Variants in RIN3 observed in about 807,000 individuals in gnomAD.
RIN3 encodes the protein RAB5 interacting protein 3.
Under a neutral mutation model 76.3 loss-of-function variants are expected in RIN3, and 54 were observed. The observed-to-expected ratio is 0.71, with a 90% CI of 0.57 to 0.89. The LOEUF (loss-of-function observed/expected upper bound fraction) is 0.89. Ranked by LOEUF, RIN3 falls within the 40% of genes least tolerant of loss-of-function variation. The pLI is 0.00. For synonymous variants in RIN3, 576 were observed against 564.0 expected, an observed-to-expected ratio of 1.02 and a Z score of -0.30; for missense variants, 1,256 against 1,322.1, an observed-to-expected ratio of 0.95 and a Z score of 0.78.
chr14:92,539,784 T>G (rs1897091149), intron 1 of RIN3, among the ~76,000 whole-genome samples: 1 of 151,990 alleles, frequency 6.6e-6, no homozygotes, highest in South Asian at 2.1e-4. Context: ...CCTAGGATGC[T>G]GGGGGTGTAC....
At chr14:92,564,225 GTAT>G (rs1897856800) in intron 2 of RIN3, among the ~76,000 whole-genome samples, 1 of 152,230 alleles carries the variant, frequency 6.6e-6, no homozygotes, top group South Asian at 2.1e-4. Context: ...AAATCCAAAT[GTAT>G]TTATTTGGAG....
At chr14:92,674,270 T>G (rs149269502) in intron 7 of RIN3, among the ~76,000 whole-genome samples, 70 of 152,296 alleles carry the variant, frequency 4.6e-4, no homozygotes, top group African/African-American at 1.7e-3. Flanking sequence ...ACCGCGCCTC[T>G]CAGCAGTGTA....
At position 92,656,327 on chromosome 14, in the gene RIN3, G is replaced by A. The variant is rs529036910; in HGVS notation, c.2027-2834G>A. 6.6e-6 allele frequency among the ~76,000 whole-genome samples: 1 copy of A among 152,336 alleles called. No homozygotes were observed. Among genetic ancestry groups the A allele is most frequent in the South Asian group, 2.1e-4 (1 of 4,828 alleles). On this transcript the variant is annotated intron_variant, in intron 6 of 9. Transcript: ENST00000216487. This position sits in a 1 kb window ranked among gnomAD's most constrained non-coding sequence, Gnocchi z 5.2. ...CACAGGCAGTGAAAGTCAGCCTGAG[G>A]ATTTAGCCCAGAGGTGATGGAGCCC... is the stretch of plus-strand genomic sequence containing the variant.
intron 2 of RIN3, among the ~76,000 whole-genome samples, chr14:92,558,884 TTTC>T (rs1253881218): frequency 4.9e-5 from 5 of 102,880 alleles, no homozygotes; most frequent in Admixed American, 9.0e-5. Flanking sequence ...TTTCTTTTCT[TTTC>T]TTTTTTTTTT....
chr14:92,614,075 C>A (rs1379621563), intron 3 of RIN3, among the ~76,000 whole-genome samples: 3 of 152,234 alleles, frequency 2.0e-5, no homozygotes, highest in African/African-American at 7.2e-5. Flanking sequence ...GTCAGTCTGG[C>A]CCCAGCTGCA....
intron 2 of RIN3, among the ~76,000 whole-genome samples, chr14:92,575,807 C>A (rs1164421678): frequency 6.6e-6 from 1 of 152,138 alleles, no homozygotes; most frequent in African/African-American, 2.4e-5. Flanking sequence ...TAACCTGTAT[C>A]TTGTGCCCAC....
intron 4 of RIN3, among the ~76,000 whole-genome samples, chr14:92,631,497 G>T (rs901328081): frequency 6.6e-6 from 1 of 152,206 alleles, no homozygotes; most frequent in African/African-American, 2.4e-5. Context: ...TCCAGACCTG[G>T]CTGGGTCCCA....
rs148002541 is a variant in RIN3 at position 92,583,523 on chromosome 14, C to T, written c.367+6046C>T. On this transcript the variant is annotated intron_variant, in intron 3 of 9. Transcript: ENST00000216487. ...CTCCAACCTGTGGTTTCCACATCCA[C>T]GGATTTAATCAAACATGGATCAAAA... Among the ~76,000 whole-genome samples the T allele has an allele frequency of 8.9e-4, 135 of 151,894 alleles. 1 individual carries two copies. The highest frequency in any genetic ancestry group is 7.9e-4 in the Non-Finnish European group (54 of 67,962).
At chr14:92,562,938 G>A (rs899164460) in intron 2 of RIN3, among the ~76,000 whole-genome samples, 1 of 152,116 alleles carries the variant, frequency 6.6e-6, no homozygotes, top group African/African-American at 2.4e-5. Flanking sequence ...GATGAAGGAG[G>A]TGAAAGGTTG....
At chr14:92,585,277 G>A (rs1381734321) in intron 3 of RIN3, among the ~76,000 whole-genome samples, 1 of 152,120 alleles carries the variant, frequency 6.6e-6, no homozygotes, top group East Asian at 1.9e-4. Flanking sequence ...TTTAAATCCA[G>A]GTCAAATCTC....
At chr14:92,598,526 A>G (rs1885231992) in intron 3 of RIN3, among the ~76,000 whole-genome samples, 1 of 152,250 alleles carries the variant, frequency 6.6e-6, no homozygotes, top group Non-Finnish European at 1.5e-5. Flanking sequence ...AACTGGAACC[A>G]TGCTCACCCT....
chr14:92,589,030 C>T lies in RIN3; in HGVS notation c.367+11553C>T, dbSNP rs868332779. 4.6e-5 allele frequency among the ~76,000 whole-genome samples: 7 copies of T among 152,280 alleles called. No individual in the cohort carries two copies. In the South Asian group the frequency reaches 1.2e-3, roughly 27 times the overall value. ...CTCTTTCTGACTGACAGCATCCTCC[C>T]CATGCCCACATTCACCCAGACCCTC... On this transcript the variant is annotated intron_variant, in intron 3 of 9. Transcript: ENST00000216487.
chr14:92,626,464 C>T (rs1248446800), intron 4 of RIN3, among the ~76,000 whole-genome samples: 1 of 152,194 alleles, frequency 6.6e-6, no homozygotes, highest in East Asian at 1.9e-4. Context: ...GTCAAGGGAG[C>T]ATTTACAAAG....
chr14:92,611,165 T>G (rs34640073), intron 3 of RIN3, among the ~76,000 whole-genome samples: 76,240 of 152,074 alleles, frequency 0.5, 19,962 homozygotes, highest in Admixed American at 0.61. Context: ...CTCCCTCCTG[T>G]ATTCCGGTGG....
Position 92,681,522 on chromosome 14 carries a change from T to C in RIN3, c.2468-3465T>C, listed in dbSNP as rs1320711847. Among the ~76,000 whole-genome samples, 3 of 152,210 alleles carry C rather than the reference T, an allele frequency of 2.0e-5. No individual in the cohort carries two copies. The highest frequency in any genetic ancestry group is 7.2e-5 in the African/African-American group (3 of 41,460). On this transcript the variant is annotated intron_variant, in intron 8 of 9. Transcript: ENST00000216487. The surrounding 1 kb of genome is among the most constrained non-coding windows in gnomAD (Gnocchi z 4.7). The stretch of plus-strand genomic sequence containing the variant: ...GTTTGCAGATAAGGAAACTGAGGCA[T>C]AGAGAGGCCATTAGCTCACCTGAAT...
chr14:92,525,462 C>G, intron 1 of RIN3, among the ~76,000 whole-genome samples: 1 of 151,818 alleles, frequency 6.6e-6, no homozygotes. Flanking sequence ...GGATCTAGTG[C>G]AGGGCTCGGT....
chr14:92,559,501 T>A (rs1387256384), intron 2 of RIN3, among the ~76,000 whole-genome samples: 1 of 152,164 alleles, frequency 6.6e-6, no homozygotes, highest in Non-Finnish European at 1.5e-5. Context: ...TTTATAAAGA[T>A]GGGTGAGATA....
At chr14:92,527,046 C>CTTT (rs1215618245) in intron 1 of RIN3, among the ~76,000 whole-genome samples, 149 of 109,938 alleles carry the variant, frequency 1.4e-3, no homozygotes, top group African/African-American at 1.9e-3. Context: ...TTCTCCCCAT[C>CTTT]TTTTTTTTTT....
intron 2 of RIN3, among the ~76,000 whole-genome samples, chr14:92,560,782 G>A (rs1897740170): frequency 6.6e-6 from 1 of 151,764 alleles, no homozygotes; most frequent in Non-Finnish European, 1.5e-5. Context: ...CCTTTGGGAG[G>A]CCAAGGCGGG....
Sources: allele counts gnomAD v4.1 joint callset (sites outside exome capture counted in the v4.1 genomes callset), GRCh38; gene constraint gnomAD v4.1.1; non-coding constraint Gnocchi (gnomAD v3.1); transcripts MANE v1.5; gene names NCBI Gene and HGNC (gene_info 2026-07-23, HGNC 2026-07-21).